The following TMEM132E variants were observed in gnomAD, a reference collection of about 807,000 sequenced individuals.
The protein encoded by TMEM132E is transmembrane protein 132E.
In TMEM132E, 49 loss-of-function variants were observed where a neutral mutation model predicts 78.5. That is an observed-to-expected ratio of 0.62 (90% CI 0.50 to 0.79). The LOEUF is 0.79. TMEM132E is among the 30% of genes least tolerant of loss of function. The pLI, the probability that TMEM132E is intolerant of heterozygous loss-of-function variation, is 0.00. For synonymous variants in TMEM132E, 715 were observed against 670.6 expected (o/e 1.07, Z -1.02); for missense variants, 1,403 against 1,470.9 (o/e 0.95, Z 0.75).
chr17:34,588,127 C>T (rs1337090138), intron 1 of TMEM132E, among the ~76,000 whole-genome samples: 1 of 152,190 alleles, frequency 6.6e-6, no homozygotes, highest in East Asian at 1.9e-4. Context: ...ATAAGTCATG[C>T]TCTTTTGCAT....
At chr17:34,631,607 C>T (rs1007041935) in intron 5 of TMEM132E, among the ~76,000 whole-genome samples, 3 of 152,200 alleles carry the variant, frequency 2.0e-5, no homozygotes, top group African/African-American at 7.2e-5. Context: ...GGGAAATGAG[C>T]ATTTCTGGCA....
At chr17:34,581,514 G>A (rs572995323) in intron 1 of TMEM132E, among the ~76,000 whole-genome samples, 1 of 152,136 alleles carries the variant, frequency 6.6e-6, no homozygotes, top group African/African-American at 2.4e-5. Context: ...GCAGCCGGCC[G>A]GGCTGGGGGC....
chr17:34,623,647 G>C (rs1907033693), intron 1 of TMEM132E, among the ~76,000 whole-genome samples: 1 of 152,230 alleles, frequency 6.6e-6, no homozygotes, highest in Non-Finnish European at 1.5e-5. Context: ...GGGAGGGACT[G>C]ATGTCACCAC....
chr17:34,627,100 T>A, intron 2 of TMEM132E, 43 bp downstream of exon 2: 1 of 744,760 alleles, frequency 1.3e-6, no homozygotes, highest in Non-Finnish European at 2.2e-6. Context: ...CCTTCCAAGA[T>A]CAAATGCATA....
chr17:34,595,551 A>G (rs1906027311), intron 1 of TMEM132E, among the ~76,000 whole-genome samples: 1 of 152,202 alleles, frequency 6.6e-6, no homozygotes, highest in Non-Finnish European at 1.5e-5. Flanking sequence ...AGGGCTTCAC[A>G]ATGAGGTGTG....
chr17:34,582,605 C>T (rs1474876672), intron 1 of TMEM132E, among the ~76,000 whole-genome samples: 1 of 149,252 alleles, frequency 6.7e-6, no homozygotes, highest in Non-Finnish European at 1.5e-5. Flanking sequence ...AGCAGGGGGG[C>T]GAGGGTGAGG....
rs376311857 is a variant in TMEM132E, at chr17:34,626,838, C to A, written c.779C>A (p.Ala260Glu). The A allele has an allele frequency of 3.8e-6, 6 of 1,576,316 alleles. No individual in the cohort carries two copies. The highest frequency in any genetic ancestry group is 2.7e-5 in the African/African-American group (2 of 73,918). The change falls in exon 2 of 9, where the codon GCG becomes GAG. Residue 260 changes from alanine to glutamate, a missense_variant. This residue lies in a region of TMEM132E where 511 missense variants were observed against 499.0 expected (regional missense o/e 1.02). Transcript: ENST00000631683. ...RGAGPGVGARAESPTQHPLLR... is the reference protein window; with the variant it reads ...RGAGPGVGAREESPTQHPLLR... ...GCCGGGCCCGGGGTGGGGGCCCGAG[C>A]GGAAAGCCCTACCCAGCACCCCCTG...
intron 1 of TMEM132E, among the ~76,000 whole-genome samples, chr17:34,591,646 C>T (rs1459196483): frequency 6.6e-6 from 1 of 152,230 alleles, no homozygotes; most frequent in Non-Finnish European, 1.5e-5. Flanking sequence ...CAGCCTACCT[C>T]CTCATTCCTC....
At chr17:34,615,373 C>T (rs1906743229) in intron 1 of TMEM132E, among the ~76,000 whole-genome samples, 2 of 152,124 alleles carry the variant, frequency 1.3e-5, no homozygotes. Context: ...TCCTTCCTTC[C>T]TTACTCTCAA....
At chr17:34,605,576 G>A (rs978170825) in intron 1 of TMEM132E, among the ~76,000 whole-genome samples, 1 of 152,210 alleles carries the variant, frequency 6.6e-6, no homozygotes, top group African/African-American at 2.4e-5. Context: ...CGGAGGAAGG[G>A]CTGAGGTTAT....
intron 1 of TMEM132E, among the ~76,000 whole-genome samples, chr17:34,605,669 C>T (rs1176012158): frequency 1.3e-5 from 2 of 152,158 alleles, no homozygotes; most frequent in Non-Finnish European, 2.9e-5. Context: ...GATAAAGCCA[C>T]GTAACAAACC....
chr17:34,611,654 C>T (rs1054202592), intron 1 of TMEM132E, among the ~76,000 whole-genome samples: 1 of 152,176 alleles, frequency 6.6e-6, no homozygotes, highest in African/African-American at 2.4e-5. Flanking sequence ...GGGGACGTCA[C>T]GTGCGAGCCA....
chr17:34,598,184 C>T (rs1484308049), intron 1 of TMEM132E, among the ~76,000 whole-genome samples: 1 of 152,140 alleles, frequency 6.6e-6, no homozygotes, highest in Admixed American at 6.5e-5. Flanking sequence ...TCCCCTGTCA[C>T]CCCATGGAAG....
chr17:34,612,605 C>A (rs1345685580), intron 1 of TMEM132E, among the ~76,000 whole-genome samples: 1 of 152,206 alleles, frequency 6.6e-6, no homozygotes, highest in Non-Finnish European at 1.5e-5. Flanking sequence ...TCAGGAATGT[C>A]GTCAAAACAT....
chr17:34,630,103 C>T lies in TMEM132E; in HGVS notation c.1434C>T (p.Asp478=), dbSNP rs1357146495. ...IAIEVNGLVL[D]ISALVECESD... is the part of the protein sequence containing the mutation. ...TCGAGGTGAATGGCCTCGTCCTGGA[C>T]ATCTCCGCCCTAGTGGAATGCGAGT... The change falls in exon 5 of 9, where the codon GAC becomes GAT. Residue 478 remains aspartate, a synonymous_variant. Transcript: ENST00000631683. 2.5e-6 allele frequency: 4 copies of T among 1,613,518 alleles called. No individual in the cohort carries two copies. The highest frequency in any genetic ancestry group is 3.4e-6 in the Non-Finnish European group (4 of 1,179,614).
chr17:34,586,149 C>T (rs1905669818), intron 1 of TMEM132E, among the ~76,000 whole-genome samples: 1 of 152,106 alleles, frequency 6.6e-6, no homozygotes, highest in African/African-American at 2.4e-5. Flanking sequence ...CGCCTCTCTC[C>T]CCTGATTCCT....
intron 1 of TMEM132E, among the ~76,000 whole-genome samples, chr17:34,583,203 G>A (rs1434346754): frequency 2.6e-5 from 4 of 152,244 alleles, no homozygotes; most frequent in Non-Finnish European, 4.4e-5. Flanking sequence ...CACACCTAGG[G>A]CAGAGGGCTT....
At chr17:34,598,129 AAG>A (rs1448386637) in intron 1 of TMEM132E, among the ~76,000 whole-genome samples, 1 of 152,166 alleles carries the variant, frequency 6.6e-6, no homozygotes, top group Admixed American at 6.5e-5. Flanking sequence ...CTACTGGTTG[AAG>A]AGAGAGTGGA....
intron 1 of TMEM132E, among the ~76,000 whole-genome samples, chr17:34,605,983 T>C (rs1489584918): frequency 6.6e-6 from 1 of 152,176 alleles, no homozygotes; most frequent in East Asian, 1.9e-4. Context: ...GGTGGAGAAG[T>C]AGATTCCACC....
Sources: allele counts gnomAD v4.1 joint callset (sites outside exome capture counted in the v4.1 genomes callset), GRCh38; gene constraint gnomAD v4.1.1; regional missense constraint gnomAD v4.1.1; transcripts MANE v1.5; gene names NCBI Gene and HGNC (gene_info 2026-07-23, HGNC 2026-07-21).